The following KCNB2 variants were observed in gnomAD, a reference collection of about 807,000 sequenced individuals.
KCNB2 encodes the protein potassium voltage-gated channel subfamily B member 2, also known as delayed rectifier potassium channel protein.
A neutral mutation model predicts 61.5 loss-of-function variants in KCNB2; 15 were observed. That is an observed-to-expected ratio of 0.24 (90% CI 0.16 to 0.38). The LOEUF (loss-of-function observed/expected upper bound fraction) is 0.38. Among genes scored for constraint, KCNB2 ranks in the 10% least tolerant of loss-of-function variants. The probability of loss-of-function intolerance (pLI) is 1.00; values close to 1 mark genes in which losing one functional copy is unlikely to be tolerated. For missense variants in KCNB2, 828 were observed against 1,125.2 expected (o/e 0.74, Z 3.78); for synonymous variants, 457 against 446.0 (o/e 1.02, Z -0.31).
intron 2 of KCNB2, among the ~76,000 whole-genome samples, chr8:72,699,488 G>A (rs551710809): frequency 5.8e-4 from 88 of 152,112 alleles, no homozygotes; most frequent in African/African-American, 2.0e-3. Flanking sequence ...GTAGATTCTG[G>A]ATATTAGACA....
In KCNB2 at chr8:72,778,927, C is replaced by T. The variant is rs552603667; in HGVS notation, c.580-157008C>T. Among the ~76,000 whole-genome samples, 12 of 152,038 alleles carry T rather than the reference C, an allele frequency of 7.9e-5. No individual in the cohort carries two copies. In the South Asian group the frequency reaches 1.7e-3, roughly 21 times the overall value. ...AAAGCCAAGTATAGCATTTGGCTGG[C>T]GTGTTCTCTTTTAAACATAGCTGCC... On this transcript the variant is annotated intron_variant, in intron 2 of 2. Transcript: ENST00000523207.
chr8:72,543,981 A>G (rs1806225768), intron 1 of KCNB2, among the ~76,000 whole-genome samples: 1 of 152,218 alleles, frequency 6.6e-6, no homozygotes, highest in Non-Finnish European at 1.5e-5. Context: ...CAACAAAATC[A>G]AACTATGTAG....
intron 2 of KCNB2, among the ~76,000 whole-genome samples, chr8:72,622,080 A>G (rs187104272): frequency 1.3e-5 from 2 of 152,314 alleles, no homozygotes; most frequent in South Asian, 2.1e-4. Flanking sequence ...ATGAGTATCT[A>G]TGATGTTACC....
chr8:72,682,707 C>T (rs1806781029), intron 2 of KCNB2, among the ~76,000 whole-genome samples: 3 of 152,148 alleles, frequency 2.0e-5, no homozygotes. Flanking sequence ...AATCCTCCCA[C>T]CTCAGCCTTC....
intron 2 of KCNB2, among the ~76,000 whole-genome samples, chr8:72,699,958 T>C (rs1213430740): frequency 6.6e-6 from 1 of 152,056 alleles, no homozygotes; most frequent in Non-Finnish European, 1.5e-5. Context: ...TGCCCATCAA[T>C]GATAGACTGG....
intron 1 of KCNB2, among the ~76,000 whole-genome samples, chr8:72,557,316 G>A (rs1208037214): frequency 6.6e-6 from 1 of 151,968 alleles, no homozygotes; most frequent in African/African-American, 2.4e-5. Flanking sequence ...TCTATTATTC[G>A]GAAAGAGAAG....
At chr8:72,690,868 G>A (rs1283832813) in intron 2 of KCNB2, among the ~76,000 whole-genome samples, 1 of 152,130 alleles carries the variant, frequency 6.6e-6, no homozygotes, top group Non-Finnish European at 1.5e-5. Context: ...AATCAGAAAG[G>A]GACGGTTGAC....
chr8:72,848,452 A>G (rs1367615251), intron 2 of KCNB2, among the ~76,000 whole-genome samples: 1 of 152,012 alleles, frequency 6.6e-6, no homozygotes, highest in African/African-American at 2.4e-5. Flanking sequence ...TAAATTTATT[A>G]TTTGTAAAGA....
Position 72,937,281 on chromosome 8 carries a change from G to C in KCNB2, c.1926G>C (p.Glu642Asp). Residue 642 changes from glutamate (E) to aspartate (D), a missense_variant, in exon 3 of 3, where the codon GAG becomes GAC. By Grantham distance (45) the Glu-to-Asp change is conservative. This residue lies in a region of KCNB2 where 559 missense variants were observed against 588.4 expected (regional missense o/e 0.95). Transcript: ENST00000523207. ...CAACCGACCTCCCAGGGACAGAAGAGCACCAAAGAGCTAGGGGCCCCCCGT... is the reference window on the plus strand; with the variant it reads ...CAACCGACCTCCCAGGGACAGAAGACCACCAAAGAGCTAGGGGCCCCCCGT... ...KFPTDLPGTE[E>D]HQRARGPPFL... 1 of 1,613,884 alleles carries C rather than the reference G, an allele frequency of 6.2e-7. No individual in the cohort carries two copies. Among genetic ancestry groups the C allele is most frequent in the Non-Finnish European group, 8.5e-7 (1 of 1,179,982 alleles).
At chr8:72,795,390 C>T (rs2128999026) in intron 2 of KCNB2, among the ~76,000 whole-genome samples, 1 of 152,284 alleles carries the variant, frequency 6.6e-6, no homozygotes, top group East Asian at 1.9e-4. Flanking sequence ...CAATATGACC[C>T]TTTAAATAAA....
chr8:72,680,018 T>C (rs1806726189), intron 2 of KCNB2, among the ~76,000 whole-genome samples: 1 of 152,236 alleles, frequency 6.6e-6, no homozygotes, highest in Admixed American at 6.5e-5. Context: ...ACTAACATCC[T>C]GAAGGTTCAC....
intron 2 of KCNB2, among the ~76,000 whole-genome samples, chr8:72,660,081 G>C (rs1163876115): frequency 6.6e-6 from 1 of 152,126 alleles, no homozygotes; most frequent in Non-Finnish European, 1.5e-5. Context: ...AGCTTCAGTT[G>C]GATCCATTGT....
At chr8:72,646,069 T>C (rs938590618) in intron 2 of KCNB2, among the ~76,000 whole-genome samples, 9 of 151,982 alleles carry the variant, frequency 5.9e-5, no homozygotes, top group Non-Finnish European at 7.4e-5. Context: ...AGTTGGGGAG[T>C]GTTTTGGGAG....
chr8:72,778,776 GAAAAAGAAAAGA>G (rs1199264245), intron 2 of KCNB2, among the ~76,000 whole-genome samples: 2 of 72,840 alleles, frequency 2.7e-5, no homozygotes, highest in East Asian at 7.2e-4. Context: ...AAGAAAGAAA[GAAAAAGAAAAGA>G]AAAGAAAAAG....
chr8:72,851,940 A>G (rs1050252649), intron 2 of KCNB2, among the ~76,000 whole-genome samples: 9 of 151,100 alleles, frequency 6.0e-5, no homozygotes, highest in Non-Finnish European at 1.2e-4. Context: ...GTAAAAGATA[A>G]AAGGGCACAT....
chr8:72,767,262 G>A (rs1249981540), intron 2 of KCNB2, among the ~76,000 whole-genome samples: 1 of 151,916 alleles, frequency 6.6e-6, no homozygotes, highest in African/African-American at 2.4e-5. Flanking sequence ...TATCTTTATT[G>A]ATATAGTATT....
At chr8:72,720,745 TG>T (rs558975351) in intron 2 of KCNB2, among the ~76,000 whole-genome samples, 102 of 152,310 alleles carry the variant, frequency 6.7e-4, no homozygotes, top group African/African-American at 2.1e-3. Flanking sequence ...GAACATAGGT[TG>T]GGTTTTGTCA....
chr8:72,736,332 G>A (rs1807845640), intron 2 of KCNB2, among the ~76,000 whole-genome samples: 1 of 151,976 alleles, frequency 6.6e-6, no homozygotes, highest in African/African-American at 2.4e-5. Flanking sequence ...ATGAGGTTGT[G>A]GACCAGAAAT....
chr8:72,623,443 A>C (rs1805740750), intron 2 of KCNB2, among the ~76,000 whole-genome samples: 1 of 152,224 alleles, frequency 6.6e-6, no homozygotes. Context: ...ACCAAGTGTC[A>C]CTTATTGAAA....
Sources: gnomAD v4.1 joint callset for allele counts (sites outside exome capture counted in the v4.1 genomes callset) on GRCh38, gnomAD v4.1.1 for gene constraint, gnomAD v4.1.1 regional missense constraint, MANE v1.5 for transcripts, NCBI Gene and HGNC (gene_info 2026-07-23, HGNC 2026-07-21) for gene names.